MROH9: variants seen among roughly 807,000 people sequenced by gnomAD.
The protein encoded by MROH9 is maestro heat-like repeat-containing protein family member 9.
A neutral mutation model predicts 98.2 loss-of-function variants in MROH9; 92 were observed. The observed-to-expected ratio is 0.94, with a 90% CI of 0.79 to 1.11. MROH9 has a LOEUF of 1.11. Among genes scored for constraint, MROH9 ranks in the 50% most tolerant of loss-of-function variants. The pLI is 0.00. For missense variants in MROH9, 1,057 were observed against 1,014.8 expected (o/e 1.04, Z -0.57); for synonymous variants, 397 against 368.9 (o/e 1.08, Z -0.87).
intron 8 of MROH9, among the ~76,000 whole-genome samples, chr1:170,979,044 G>A (rs902198209): frequency 2.6e-5 from 4 of 152,204 alleles, no homozygotes; most frequent in Non-Finnish European, 4.4e-5. Context: ...TTAGCATTTT[G>A]TAGCAATAAA....
chr1:171,052,633 T>C (rs1305871705), intron 20 of MROH9, among the ~76,000 whole-genome samples: 1 of 151,982 alleles, frequency 6.6e-6, no homozygotes, highest in Non-Finnish European at 1.5e-5. Context: ...TGCCTAGAAA[T>C]GTGCCCCAGA....
chr1:170,987,710 G>C (rs533753465), intron 10 of MROH9, among the ~76,000 whole-genome samples: 1 of 152,090 alleles, frequency 6.6e-6, no homozygotes, highest in Non-Finnish European at 1.5e-5. Context: ...ACATGCATAC[G>C]TATTACATTC....
intron 19 of MROH9, among the ~76,000 whole-genome samples, chr1:171,025,107 A>AT (rs1297704469): frequency 6.6e-6 from 1 of 152,198 alleles, no homozygotes; most frequent in African/African-American, 2.4e-5. Context: ...GAAACCCAGC[A>AT]TGAACAGCAA....
intron 20 of MROH9, among the ~76,000 whole-genome samples, chr1:171,057,936 C>A (rs1653895503): frequency 6.6e-6 from 1 of 151,924 alleles, no homozygotes; most frequent in African/African-American, 2.4e-5. Flanking sequence ...TCATTACCAC[C>A]AGGCCTGCCC....
At chr1:171,044,808 G>A (rs1653410146) in intron 20 of MROH9, among the ~76,000 whole-genome samples, 1 of 151,072 alleles carries the variant, frequency 6.6e-6, no homozygotes. Flanking sequence ...CAGTTTTAAT[G>A]TCTCCTTTTT....
intron 8 of MROH9, 101 bp downstream of exon 8, chr1:170,971,984 A>G (rs1650478944): frequency 1.7e-5 from 21 of 1,246,146 alleles, no homozygotes; most frequent in Non-Finnish European, 2.1e-5. Context: ...TAATTTCTAA[A>G]TCCTGCCCCA....
chr1:170,938,859 C>G (rs980839822), intron 1 of MROH9, among the ~76,000 whole-genome samples: 8 of 152,234 alleles, frequency 5.3e-5, no homozygotes, highest in Admixed American at 5.2e-4. Context: ...CAGTGTTTTT[C>G]TCTGCTACTG....
chr1:171,059,867 C>T (rs61289330), intron 20 of MROH9, among the ~76,000 whole-genome samples: 9,949 of 151,938 alleles, frequency 0.065, 1,090 homozygotes, highest in African/African-American at 0.23. Context: ...CAACACACAC[C>T]AGGGCCTGTC....
intron 3 of MROH9, among the ~76,000 whole-genome samples, chr1:170,949,219 G>T (rs1260297421): frequency 6.6e-6 from 1 of 152,050 alleles, no homozygotes; most frequent in Non-Finnish European, 1.5e-5. Context: ...GCTAAGGGAA[G>T]TCTCAAGAAT....
chr1:170,961,448 C>T (rs192960693), intron 5 of MROH9, among the ~76,000 whole-genome samples: 235 of 152,222 alleles, frequency 1.5e-3, no homozygotes, highest in African/African-American at 5.5e-3. Context: ...ATAAATCCAA[C>T]ATATTGAATT....
At chr1:170,960,732 T>G (rs1649985651) in intron 5 of MROH9, among the ~76,000 whole-genome samples, 1 of 152,160 alleles carries the variant, frequency 6.6e-6, no homozygotes, top group Admixed American at 6.6e-5. Context: ...AAGCAATCCT[T>G]CCATCTCAGC....
At chr1:171,018,961 G>C (rs1652421254) in intron 17 of MROH9, among the ~76,000 whole-genome samples, 1 of 152,208 alleles carries the variant, frequency 6.6e-6, no homozygotes, top group South Asian at 2.1e-4. Flanking sequence ...TATGGATCAA[G>C]TGGACCCAAT....
intron 20 of MROH9, among the ~76,000 whole-genome samples, chr1:171,035,656 A>G (rs1180537295): frequency 6.6e-6 from 1 of 152,208 alleles, no homozygotes; most frequent in East Asian, 1.9e-4. Flanking sequence ...CAAATTACCA[A>G]TAAACATATA....
chr1:171,048,462 A>G (rs543268085), intron 20 of MROH9, among the ~76,000 whole-genome samples: 181 of 152,182 alleles, frequency 1.2e-3, no homozygotes, highest in African/African-American at 4.0e-3. Context: ...CCAGACTACC[A>G]CTGATGTTCC....
In MROH9 at chr1:170,992,347, T is replaced by G. The variant is rs772653353; in HGVS notation, c.1194+18T>G. On this transcript the variant is annotated intron_variant, in intron 12 of 21. Coordinates refer to ENST00000367759, the MANE Select transcript of MROH9 (RefSeq NM_001163629.2). ...CTTTGGCGGTAAATAACACGATGAG[T>G]GTTTCTTCTTCTCAGTACTGTTTTC... is the stretch of plus-strand genomic sequence containing the variant. The G allele has an allele frequency of 1.3e-5, 21 of 1,607,496 alleles. No individual in the cohort carries two copies. The South Asian group carries it at 2.3e-4, about 18-fold the overall frequency.
intron 15 of MROH9, among the ~76,000 whole-genome samples, chr1:171,010,559 A>C (rs949569919): frequency 9.9e-5 from 15 of 152,154 alleles, no homozygotes; most frequent in Non-Finnish European, 1.5e-4. Context: ...CAACAGTGTA[A>C]AAGGGTTCCT....
At chr1:170,973,882 G>C (rs534961753) in intron 8 of MROH9, among the ~76,000 whole-genome samples, 1 of 152,240 alleles carries the variant, frequency 6.6e-6, no homozygotes, top group East Asian at 1.9e-4. Context: ...ATGATAGAAT[G>C]AGTAGAGTGT....
At chr1:170,945,085 C>G (rs912643153) in intron 1 of MROH9, among the ~76,000 whole-genome samples, 1 of 151,868 alleles carries the variant, frequency 6.6e-6, no homozygotes, top group African/African-American at 2.4e-5. Flanking sequence ...TGTGAGATGG[C>G]CTCTGGAACA....
rs191401788 is a variant in MROH9, at chr1:170,968,656, G to T, written c.481-3092G>T. 2.3e-3 allele frequency among the ~76,000 whole-genome samples: 347 copies of T among 152,268 alleles called. 2 individuals are homozygous for T. The highest frequency in any genetic ancestry group is 8.2e-3 in the African/African-American group (340 of 41,554). ...CCAGTGCTTTGAGAGCCTGAGGTGG[G>T]AGGACCTCTTGAGCCCAGGAGTTCT... On this transcript the variant is annotated intron_variant, in intron 7 of 21. Coordinates refer to ENST00000367759, the MANE Select transcript of MROH9 (RefSeq NM_001163629.2).
Sources: gnomAD v4.1 joint callset for allele counts (sites outside exome capture counted in the v4.1 genomes callset) on GRCh38, gnomAD v4.1.1 for gene constraint, MANE v1.5 for transcripts, NCBI Gene and HGNC (gene_info 2026-07-23, HGNC 2026-07-21) for gene names.